FHIT: variants seen among roughly 807,000 people sequenced by gnomAD.
The protein encoded by FHIT is fragile histidine triad diadenosine triphosphatase.
FHIT carries 19 observed loss-of-function variants against 17.9 expected under a neutral mutation model. The ratio of observed to expected loss-of-function variants is 1.06; its 90% CI spans 0.74 to 1.56. FHIT has a LOEUF of 1.56. FHIT is among the 40% of genes most tolerant of loss of function. The pLI, the probability that FHIT is intolerant of heterozygous loss-of-function variation, is 0.00. For synonymous variants in FHIT, 81 were observed against 69.7 expected (o/e 1.16, Z -0.81); for missense variants, 248 against 189.2 (o/e 1.31, Z -1.82).
chr3:60,713,486 G>T (rs1465788976), intron 4 of FHIT, among the ~76,000 whole-genome samples: 1 of 149,192 alleles, frequency 6.7e-6, no homozygotes, highest in Non-Finnish European at 1.5e-5. Context: ...AATGAATCCA[G>T]GAGCTGGTTT....
At chr3:60,992,673 C>T (rs981746373) in intron 3 of FHIT, among the ~76,000 whole-genome samples, 4 of 152,212 alleles carry the variant, frequency 2.6e-5, no homozygotes, top group Non-Finnish European at 5.9e-5. Flanking sequence ...CTTCCCAAAA[C>T]CCTCTCTGGT....
intron 3 of FHIT, among the ~76,000 whole-genome samples, chr3:60,972,288 T>C (rs1313632995): frequency 6.6e-6 from 1 of 152,176 alleles, no homozygotes; most frequent in Non-Finnish European, 1.5e-5. Context: ...TAATTAATTA[T>C]CTTAGTTTTA....
chr3:60,147,663 A>G (rs1700297971), intron 5 of FHIT, among the ~76,000 whole-genome samples: 1 of 152,182 alleles, frequency 6.6e-6, no homozygotes, highest in Non-Finnish European at 1.5e-5. Context: ...AGAGCAAGGA[A>G]ACAGCCAAGA....
chr3:60,556,147 G>C (rs2036731318), intron 4 of FHIT, among the ~76,000 whole-genome samples: 2 of 152,166 alleles, frequency 1.3e-5, no homozygotes, highest in Admixed American at 1.3e-4. Context: ...TGAACAGTGA[G>C]TCTCTCACAG....
At chr3:60,848,569 C>A (rs1703017299) in intron 3 of FHIT, among the ~76,000 whole-genome samples, 1 of 152,236 alleles carries the variant, frequency 6.6e-6, no homozygotes, top group Admixed American at 6.5e-5. Flanking sequence ...TGGAGTCAGA[C>A]AGATATGGGT....
At position 60,986,768 on chromosome 3, in the gene FHIT, G is replaced by A. The variant is rs189139031; in HGVS notation, c.-111+55279C>T. 3.5e-3 allele frequency among the ~76,000 whole-genome samples: 540 copies of A among 152,120 alleles called. 1 individual carries two copies. Among genetic ancestry groups the A allele is most frequent in the Middle Eastern group, 0.014 (4 of 294 alleles). ...GCCAGAAATTTCACCAGCATCATAG[G>A]AATAGCCGCTGACAGTTATTCCCCC... On this transcript the variant is annotated intron_variant, in intron 3 of 9. Transcript: ENST00000492590.
chr3:60,176,010 G>A (rs979508378), intron 5 of FHIT, among the ~76,000 whole-genome samples: 6 of 152,164 alleles, frequency 3.9e-5, no homozygotes, highest in Non-Finnish European at 8.8e-5. Flanking sequence ...GTAGCTGAAA[G>A]ACGAGTTTTA....
In FHIT at chr3:60,842,789, G is replaced by A. The variant is rs113891258; in HGVS notation, c.-110-20778C>T. Among the ~76,000 whole-genome samples, 72 of 151,606 alleles carry A rather than the reference G, an allele frequency of 4.7e-4. 1 individual carries two copies. Among genetic ancestry groups the A allele is most frequent in the Middle Eastern group, 3.4e-3 (1 of 294 alleles). ...AAATCATTAGCTTAAGCTATCCAAA[G>A]GATTTTACACACAGTCCTGTGGTTT... On this transcript the variant is annotated intron_variant, in intron 3 of 9. Coordinates refer to ENST00000492590, the MANE Select transcript of FHIT (RefSeq NM_002012.4).
intron 3 of FHIT, among the ~76,000 whole-genome samples, chr3:60,903,866 A>G (rs963044703): frequency 1.3e-5 from 2 of 152,188 alleles, no homozygotes; most frequent in African/African-American, 4.8e-5. Context: ...CCTCTGGAGG[A>G]TAAATACCCA....
intron 3 of FHIT, among the ~76,000 whole-genome samples, chr3:61,028,883 C>A (rs2032867900): frequency 6.8e-6 from 1 of 147,906 alleles, no homozygotes. Context: ...AAGCACCCCC[C>A]ACCAACAAAA....
chr3:60,757,489 T>C (rs1426996195), intron 4 of FHIT, among the ~76,000 whole-genome samples: 1 of 152,164 alleles, frequency 6.6e-6, no homozygotes, highest in African/African-American at 2.4e-5. Context: ...AAGGGCCTCC[T>C]TAGGTGATTG....
rs567718654 is a variant in FHIT at position 59,966,622 on chromosome 3, G to C, written c.280-44208C>G. On this transcript the variant is annotated intron_variant, in intron 7 of 9. Transcript: ENST00000492590. ...GTAGTTAATGGTAACATAATGATAA[G>C]TATTCATGTATCTAAATAAATATAG... Among the ~76,000 whole-genome samples the C allele has an allele frequency of 3.6e-4, 55 of 152,246 alleles. No homozygotes were observed. In the South Asian group the frequency reaches 0.011, roughly 31 times the overall value.
Position 59,931,577 on chromosome 3 carries a change from C to T in FHIT, c.280-9163G>A, listed in dbSNP as rs576806371. Among the ~76,000 whole-genome samples the T allele has an allele frequency of 2.3e-4, 35 of 152,028 alleles. 1 individual carries two copies. In the South Asian group the frequency reaches 3.7e-3, roughly 16 times the overall value. On this transcript the variant is annotated intron_variant, in intron 7 of 9. Transcript: ENST00000492590. ...TAGCAATGCTCAGGCAGTTGGTATG[C>T]CTTTCAGGAAACAGAGGAAACATAG...
intron 4 of FHIT, among the ~76,000 whole-genome samples, chr3:60,820,561 C>T (rs1192818503): frequency 6.6e-6 from 1 of 152,174 alleles, no homozygotes; most frequent in Non-Finnish European, 1.5e-5. Flanking sequence ...AGCAATGTCT[C>T]ACAGTTCTAC....
intron 5 of FHIT, among the ~76,000 whole-genome samples, chr3:60,320,170 C>G (rs921014765): frequency 6.6e-6 from 1 of 152,168 alleles, no homozygotes; most frequent in Non-Finnish European, 1.5e-5. Context: ...GACACTCTTA[C>G]GTTGTTTATG....
intron 5 of FHIT, among the ~76,000 whole-genome samples, chr3:60,203,814 G>GA (rs927528325): frequency 3.3e-5 from 5 of 151,914 alleles, no homozygotes; most frequent in African/African-American, 1.2e-4. Flanking sequence ...AAAACTAAAA[G>GA]AAAAAAATGG....
chr3:61,171,186 G>C (rs1417192936), intron 2 of FHIT, among the ~76,000 whole-genome samples: 2 of 152,150 alleles, frequency 1.3e-5, no homozygotes, highest in East Asian at 1.9e-4. Flanking sequence ...GTGTTGATTT[G>C]CATTTCTCTA....
chr3:61,117,680 A>G (rs907169782), intron 2 of FHIT, among the ~76,000 whole-genome samples: 4 of 152,174 alleles, frequency 2.6e-5, no homozygotes, highest in African/African-American at 9.6e-5. Context: ...CCTCAGTGCA[A>G]TGTCATCTCC....
chr3:60,892,271 T>C lies in FHIT; in HGVS notation c.-110-70260A>G, dbSNP rs1354635498. 3.3e-5 allele frequency among the ~76,000 whole-genome samples: 5 copies of C among 152,326 alleles called. No homozygotes were observed. In the East Asian group the frequency reaches 9.6e-4, roughly 29 times the overall value. ...GTAAATCATCTTTTTTGGCTAAATA[T>C]AAAGTAAGCAAGCCCATAGCCTCCC... On this transcript the variant is annotated intron_variant, in intron 3 of 9. Transcript: ENST00000492590.
Sources: gnomAD v4.1 joint callset for allele counts (sites outside exome capture counted in the v4.1 genomes callset) on GRCh38, gnomAD v4.1.1 for gene constraint, MANE v1.5 for transcripts, NCBI Gene and HGNC (gene_info 2026-07-23, HGNC 2026-07-21) for gene names.